ZNF318: variants seen among roughly 807,000 people sequenced by gnomAD.
ZNF318 encodes endocrine regulator.
In ZNF318, 51 loss-of-function variants were observed where a neutral mutation model predicts 124.2. The ratio of observed to expected loss-of-function variants is 0.41; its 90% CI spans 0.33 to 0.52. The LOEUF is 0.52. Ranked by LOEUF, ZNF318 falls within the 20% of genes least tolerant of loss-of-function variation. ZNF318 has a pLI of 0.23. For missense variants in ZNF318, 2,815 were observed against 2,811.2 expected, an observed-to-expected ratio of 1.00 and a Z score of -0.03; for synonymous variants, 1,090 against 1,040.7, an observed-to-expected ratio of 1.05 and a Z score of -0.91.
Position 43,357,701 on chromosome 6 carries a change from A to G in ZNF318, c.613T>C (p.Tyr205His). ...SSQCSRGLERYISQEEGPLSP... is the reference protein window; with the variant it reads ...SSQCSRGLERHISQEEGPLSP... ...AGAGGCCCTTCCTCCTGGGAAATAT[A>G]TCGCTCAAGACCCCGAGAGCACTGG... The change falls in exon 3 of 10, where the codon TAT (tyrosine) becomes CAT (histidine). Residue 205 changes from tyrosine (Y) to histidine (H), a missense_variant. This residue lies in a region of ZNF318 where 1,377 missense variants were observed against 1,353.5 expected (regional missense o/e 1.02). Transcript: ENST00000361428. 6.2e-7 allele frequency: 1 copy of G among 1,611,028 alleles called. No individual in the cohort carries two copies. Among genetic ancestry groups the G allele is most frequent in the Non-Finnish European group, 8.5e-7 (1 of 1,179,972 alleles).
intron 7 of ZNF318, 43 bp downstream of exon 7, chr6:43,342,633 G>C: frequency 6.3e-7 from 1 of 1,591,516 alleles, no homozygotes; most frequent in South Asian, 1.1e-5. Flanking sequence ...AGTTTGAAGA[G>C]AGTGAGGGTG....
intron 3 of ZNF318, among the ~76,000 whole-genome samples, chr6:43,356,349 A>G (rs1779608770): frequency 6.6e-6 from 1 of 152,204 alleles, no homozygotes; most frequent in South Asian, 2.1e-4. Context: ...AGAAACAGGA[A>G]GTGAGGCAAA....
At chr6:43,364,006 G>A in intron 2 of ZNF318, 2 of 725,378 alleles carry the variant, frequency 2.8e-6, no homozygotes, top group Non-Finnish European at 4.9e-6. Context: ...CCTCATCCCT[G>A]CGCCCAAGGG....
intron 2 of ZNF318, among the ~76,000 whole-genome samples, chr6:43,364,647 A>G (rs1779735574): frequency 6.6e-6 from 1 of 152,212 alleles, no homozygotes; most frequent in African/African-American, 2.4e-5. Flanking sequence ...GTGAGGTGAA[A>G]AACACCTAAT....
chr6:43,354,136 A>G (rs1371901309), intron 4 of ZNF318, among the ~76,000 whole-genome samples: 10 of 152,150 alleles, frequency 6.6e-5, no homozygotes, highest in Admixed American at 6.5e-4. Context: ...TTTTTAAATA[A>G]ATAACATGTC....
At chr6:43,345,959 T>C (rs529504291) in intron 6 of ZNF318, among the ~76,000 whole-genome samples, 1 of 151,786 alleles carries the variant, frequency 6.6e-6, no homozygotes, top group African/African-American at 2.4e-5. Context: ...TCCCAGCACT[T>C]TGGGAGGCGG....
intron 6 of ZNF318, among the ~76,000 whole-genome samples, chr6:43,347,981 C>T (rs1431609472): frequency 6.6e-6 from 1 of 152,138 alleles, no homozygotes; most frequent in East Asian, 1.9e-4. Flanking sequence ...ACTTTAGCAA[C>T]ACAGTAGTGA....
intron 1 of ZNF318, among the ~76,000 whole-genome samples, chr6:43,367,142 G>A (rs920314104): frequency 6.6e-6 from 1 of 152,126 alleles, no homozygotes; most frequent in South Asian, 2.1e-4. Flanking sequence ...GAGCCACCGC[G>A]CCCGGCCCTA....
At chr6:43,356,181 A>G (rs778907470) in intron 3 of ZNF318, 36 bp from the exon 4 acceptor site, 16 of 1,568,178 alleles carry the variant, frequency 1.0e-5, no homozygotes, top group Non-Finnish European at 1.4e-5. Flanking sequence ...AGTCTTATGC[A>G]GAATCTCAGA....
intron 7 of ZNF318, 71 bp from the exon 8 acceptor site, chr6:43,342,282 TCC>T: frequency 7.8e-7 from 1 of 1,282,594 alleles, no homozygotes; most frequent in Non-Finnish European, 1.1e-6. Context: ...CTCTTTTTTT[TCC>T]CCCATAATAA....
At position 43,342,569 on chromosome 6, in the gene ZNF318, G is replaced by A. The variant is rs1401571432; in HGVS notation, c.3276+107C>T. 16 of 1,217,092 alleles carry A rather than the reference G, an allele frequency of 1.3e-5. No homozygotes were observed. In the East Asian group the frequency reaches 2.9e-4, roughly 22 times the overall value. 75.4% of individuals were successfully genotyped at this position (1,217,092 alleles called of 1,614,324 possible). ...CTTGGCTCTTCAGACTGGGGCTCCT[G>A]CCCATATGAGAATGTTTCCTTTTCC... On this transcript the variant is annotated intron_variant, in intron 7 of 9. Coordinates refer to ENST00000361428, the MANE Select transcript of ZNF318 (RefSeq NM_014345.3).
chr6:43,338,653 T>C lies in ZNF318; in HGVS notation c.5345A>G (p.Lys1782Arg), dbSNP rs1779325707. 2 of 1,614,180 alleles carry C rather than the reference T, an allele frequency of 1.2e-6. No homozygotes were observed. Among genetic ancestry groups the C allele is most frequent in the Non-Finnish European group, 1.7e-6 (2 of 1,180,032 alleles). Residue 1782 changes from lysine (K) to arginine (R), a missense_variant, in exon 10 of 10, where the codon AAA becomes AGA. Transcript: ENST00000361428. ...ESEIETNTELKERVKELSEGI... is the reference protein window; with the variant it reads ...ESEIETNTELRERVKELSEGI... ...CTCAGACAGCTCCTTTACCCTTTCT[T>C]TTAGTTCAGTGTTTGTCTCTATCTC...
intron 5 of ZNF318, among the ~76,000 whole-genome samples, chr6:43,350,676 A>T (rs1251715363): frequency 1.3e-5 from 2 of 151,994 alleles, no homozygotes; most frequent in Non-Finnish European, 2.9e-5. Flanking sequence ...AAAAAAAATT[A>T]GCCAGGCGTG....
Position 43,355,596 on chromosome 6 carries a change from C to G in ZNF318, c.1738G>C (p.Glu580Gln). 6.2e-7 allele frequency: 1 copy of G among 1,614,190 alleles called. No individual in the cohort carries two copies. Among genetic ancestry groups the G allele is most frequent in the Non-Finnish European group, 8.5e-7 (1 of 1,180,026 alleles). The change falls in exon 4 of 10, where the codon GAA becomes CAA. Residue 580 changes from glutamate (E) to glutamine (Q), a missense_variant. By Grantham distance (29) the Glu-to-Gln change is conservative (BLOSUM62 2). This residue lies in a region of ZNF318 where 1,377 missense variants were observed against 1,353.5 expected (regional missense o/e 1.02). Coordinates refer to ENST00000361428, the MANE Select transcript of ZNF318 (RefSeq NM_014345.3). ...LPSSAPAVKL[E>Q]SLEETNPEYA... ...TCTGGATTGGTCTCTTCTAGTGATTCTAGCTTTACAGCTGGAGCTGAAGAC... is the reference window on the plus strand; with the variant it reads ...TCTGGATTGGTCTCTTCTAGTGATTGTAGCTTTACAGCTGGAGCTGAAGAC...
chr6:43,342,954 GC>G, intron 6 of ZNF318, 75 bp from the exon 7 acceptor site: 1 of 1,268,414 alleles, frequency 7.9e-7, no homozygotes. Flanking sequence ...ATAGTAAGTG[GC>G]CATAATAATA....
intron 3 of ZNF318, among the ~76,000 whole-genome samples, 156 bp from the exon 4 acceptor site, chr6:43,356,301 G>A (rs1348135968): frequency 6.6e-6 from 1 of 152,208 alleles, no homozygotes; most frequent in Non-Finnish European, 1.5e-5. Context: ...GATTCAAAAT[G>A]TGAATCCCCT....
At chr6:43,362,518 CTTTT>C (rs1180416139) in intron 2 of ZNF318, among the ~76,000 whole-genome samples, 7 of 80,922 alleles carry the variant, frequency 8.7e-5, no homozygotes, top group African/African-American at 3.1e-4. Flanking sequence ...ACATACACGT[CTTTT>C]TTTTTTTTTT....
chr6:43,341,910 T>C (rs1256309514), intron 8 of ZNF318, among the ~76,000 whole-genome samples: 1 of 152,154 alleles, frequency 6.6e-6, no homozygotes, highest in African/African-American at 2.4e-5. Flanking sequence ...TTTTTGGCCA[T>C]ATGGGTAGAG....
In ZNF318 at chr6:43,352,448, T is replaced by C. The variant is rs1324005063; in HGVS notation, c.2699A>G (p.Asn900Ser). 2 of 1,614,130 alleles carry C rather than the reference T, an allele frequency of 1.2e-6. No homozygotes were observed. Among genetic ancestry groups the C allele is most frequent in the Non-Finnish European group, 8.5e-7 (1 of 1,180,006 alleles). Reference protein sequence around the residue: ...KVIEEREKLKNDREARQKKMY... With the variant: ...KVIEEREKLKSDREARQKKMY... ...CTTCTTCTGGCGGGCTTCCCGGTCA[T>C]TCTTTAGTTTTTCCCTCTCTTCAAT... Residue 900 changes from asparagine (N) to serine (S), a missense_variant, in exon 5 of 10, where the codon AAT becomes AGT. By Grantham distance (46) the Asn-to-Ser change is conservative. This residue lies in a region of ZNF318 where 1,377 missense variants were observed against 1,353.5 expected (regional missense o/e 1.02). Coordinates refer to ENST00000361428, the MANE Select transcript of ZNF318 (RefSeq NM_014345.3).
Sources: gnomAD v4.1 joint callset for allele counts (sites outside exome capture counted in the v4.1 genomes callset) on GRCh38, gnomAD v4.1.1 for gene constraint, gnomAD v4.1.1 regional missense constraint, MANE v1.5 for transcripts, NCBI Gene and HGNC (gene_info 2026-07-23, HGNC 2026-07-21) for gene names.